The following WDPCP variants were observed in gnomAD, a reference collection of about 807,000 sequenced individuals.
The protein encoded by WDPCP is WD repeat-containing and planar cell polarity effector protein fritz homolog.
A neutral mutation model predicts 93.1 loss-of-function variants in WDPCP; 71 were observed. The ratio of observed to expected loss-of-function variants is 0.76; its 90% CI spans 0.63 to 0.93. WDPCP has a LOEUF of 0.93. Among genes scored for constraint, WDPCP ranks in the 40% least tolerant of loss-of-function variants. The pLI, the probability that WDPCP is intolerant of heterozygous loss-of-function variation, is 0.00. For synonymous variants in WDPCP, 315 were observed against 315.0 expected, an observed-to-expected ratio of 1.00 and a Z score of 0.00; for missense variants, 844 against 887.4, an observed-to-expected ratio of 0.95 and a Z score of 0.62.
chr2:63,830,238 TA>T (rs1482217810), upstream of WDPCP, among the ~76,000 whole-genome samples: 3 of 152,134 alleles, frequency 2.0e-5, no homozygotes, highest in African/African-American at 7.2e-5. Flanking sequence ...ATGGCCTAAA[TA>T]TTTGTGGTCC....
intron 3 of WDPCP, among the ~76,000 whole-genome samples, chr2:63,623,856 C>A (rs183371329): frequency 5.3e-4 from 80 of 152,266 alleles, no homozygotes; most frequent in Non-Finnish European, 8.1e-4. Context: ...ATGTTCAGAA[C>A]CCTCCACCCA....
chr2:63,318,121 C>G (rs1271310387), intron 12 of WDPCP, among the ~76,000 whole-genome samples: 1 of 152,152 alleles, frequency 6.6e-6, no homozygotes, highest in Non-Finnish European at 1.5e-5. Context: ...CATGAACAGA[C>G]ACTTCTCAAA....
chr2:63,365,890 T>G, intron 12 of WDPCP, among the ~76,000 whole-genome samples: 1 of 152,204 alleles, frequency 6.6e-6, no homozygotes, highest in East Asian at 1.9e-4. Flanking sequence ...TATTTAACCC[T>G]AAACTATTTG....
At chr2:63,361,436 C>T (rs532653353) in intron 12 of WDPCP, among the ~76,000 whole-genome samples, 10 of 152,268 alleles carry the variant, frequency 6.6e-5, no homozygotes, top group South Asian at 2.1e-4. Context: ...ACTTTTGAGC[C>T]TATTCTTCAC....
intron 14 of WDPCP, among the ~76,000 whole-genome samples, chr2:63,223,470 C>T (rs1361401876): frequency 1.3e-5 from 2 of 152,092 alleles, no homozygotes; most frequent in Admixed American, 1.3e-4. Flanking sequence ...GCTCCCCTGG[C>T]AAAGAGAAAC....
At chr2:63,580,677 A>G (rs905090863) in intron 1 of WDPCP, among the ~76,000 whole-genome samples, 4 of 152,218 alleles carry the variant, frequency 2.6e-5, no homozygotes, top group African/African-American at 9.6e-5. Flanking sequence ...GATTAAAGAG[A>G]TATGACATCT....
intron 1 of WDPCP, among the ~76,000 whole-genome samples, chr2:63,569,090 G>A (rs1333263310): frequency 1.3e-5 from 2 of 152,130 alleles, no homozygotes; most frequent in Non-Finnish European, 2.9e-5. Context: ...TCATTAAATG[G>A]AAAATGGAGA....
At chr2:63,311,963 A>C (rs1686220062) in intron 13 of WDPCP, among the ~76,000 whole-genome samples, 1 of 152,136 alleles carries the variant, frequency 6.6e-6, no homozygotes, top group Non-Finnish European at 1.5e-5. Flanking sequence ...TTATTGGGGT[A>C]AGTGGCAAAG....
At chr2:63,201,382 C>A (rs992858839) in intron 14 of WDPCP, among the ~76,000 whole-genome samples, 4 of 152,110 alleles carry the variant, frequency 2.6e-5, no homozygotes, top group Non-Finnish European at 5.9e-5. Flanking sequence ...ATACAAAAAT[C>A]ATACTTGCAA....
chr2:63,593,412 A>T (rs953604763), upstream of WDPCP: 25 of 330,066 alleles, frequency 7.6e-5, no homozygotes, highest in Middle Eastern at 1.8e-3. Context: ...CTTTTTTGAA[A>T]TTTTTTTTTT....
intron 13 of WDPCP, among the ~76,000 whole-genome samples, chr2:63,299,577 G>T (rs555050149): frequency 2.0e-5 from 3 of 152,290 alleles, no homozygotes; most frequent in African/African-American, 7.2e-5. Context: ...CATTTGGCCA[G>T]TCTGGGCATT....
intron 2 of WDPCP, among the ~76,000 whole-genome samples, chr2:63,490,104 TAAA>T (rs60420871): frequency 1.6e-5 from 2 of 126,000 alleles, no homozygotes. Context: ...CATGAAAATG[TAAA>T]AAAAAAAAAA....
chr2:63,122,182 G>T, intron 17 of WDPCP, 126 bp from the exon 18 acceptor site: 1 of 759,492 alleles, frequency 1.3e-6, no homozygotes, highest in Non-Finnish European at 2.2e-6. Flanking sequence ...AAAATGTACT[G>T]CACATAGATA....
intron 12 of WDPCP, among the ~76,000 whole-genome samples, chr2:63,352,572 G>T (rs1306578488): frequency 1.3e-5 from 2 of 152,178 alleles, no homozygotes; most frequent in African/African-American, 4.8e-5. Context: ...TGCATTCAGG[G>T]AATCATAGTA....
chr2:63,273,222 C>T (rs1217289403), intron 13 of WDPCP, among the ~76,000 whole-genome samples: 1 of 152,064 alleles, frequency 6.6e-6, no homozygotes, highest in Non-Finnish European at 1.5e-5. Context: ...CACCACTAGA[C>T]TGGTCCTACA....
intron 1 of WDPCP, among the ~76,000 whole-genome samples, chr2:63,822,779 A>G (rs1377176312): frequency 6.6e-6 from 1 of 151,990 alleles, no homozygotes; most frequent in Non-Finnish European, 1.5e-5. Flanking sequence ...TTAGCTACTC[A>G]GGAGGCTGAA....
chr2:63,641,691 T>C (rs539527747), intron 3 of WDPCP, among the ~76,000 whole-genome samples: 2 of 152,350 alleles, frequency 1.3e-5, no homozygotes, highest in East Asian at 3.9e-4. Flanking sequence ...TTCTGGTTAT[T>C]AATCCCTTGT....
rs1006286048 is a variant in WDPCP, at chr2:63,700,389, G to A, written n.309-49551C>T. Among the ~76,000 whole-genome samples the A allele has an allele frequency of 4.0e-5, 6 of 151,704 alleles. 1 individual carries two copies. The highest frequency in any genetic ancestry group is 1.5e-4 in the African/African-American group (6 of 41,250). On this transcript the variant is annotated intron_variant and non_coding_transcript_variant, in intron 2 of 4. Transcript: ENST00000467687. Reference sequence around the variant, plus strand: ...GAACTAGAGAAGTGGTAGTGGGAATGGAAAAGGTCAGATACAAGACTTTTC... The same window carrying A: ...GAACTAGAGAAGTGGTAGTGGGAATAGAAAAGGTCAGATACAAGACTTTTC...
At chr2:63,540,011 T>C (rs1704591639) in intron 1 of WDPCP, among the ~76,000 whole-genome samples, 1 of 152,208 alleles carries the variant, frequency 6.6e-6, no homozygotes, top group Admixed American at 6.5e-5. Context: ...ATGCAATGAA[T>C]AGTCTCTTGA....
Sources: allele counts gnomAD v4.1 joint callset (sites outside exome capture counted in the v4.1 genomes callset), GRCh38; gene constraint gnomAD v4.1.1; transcripts MANE v1.5; gene names NCBI Gene and HGNC (gene_info 2026-07-23, HGNC 2026-07-21).